RANBP2: variants seen among roughly 807,000 people sequenced by gnomAD.
RANBP2 encodes E3 SUMO-protein ligase RanBP2.
Under a neutral mutation model 303.6 loss-of-function variants are expected in RANBP2, and 57 were observed. The ratio of observed to expected loss-of-function variants is 0.19; its 90% CI spans 0.15 to 0.23. The LOEUF (loss-of-function observed/expected upper bound fraction) is 0.23, where lower values mean the gene tolerates loss of function less well. Among genes scored for constraint, RANBP2 ranks in the 10% least tolerant of loss-of-function variants. The probability of loss-of-function intolerance (pLI) is 1.00; values close to 1 mark genes in which losing one functional copy is unlikely to be tolerated. For missense variants in RANBP2, 3,138 were observed against 3,780.8 expected (o/e 0.83, Z 4.46); for synonymous variants, 1,167 against 1,301.5 (o/e 0.90, Z 2.23).
In RANBP2 at chr2:108,782,682, T is replaced by A; in HGVS notation, c.9189T>A (p.Asn3063Lys). 6.2e-7 allele frequency: 1 copy of A among 1,614,200 alleles called. No homozygotes were observed. The highest frequency in any genetic ancestry group is 8.5e-7 in the Non-Finnish European group (1 of 1,180,024). The stretch of plus-strand genomic sequence containing the variant: ...CAGCAGAATTATCAAAGGAGACCAA[T>A]CCTGTGGTGTTTTTTGATGTTTGTG... ...SLAAELSKET[N>K]PVVFFDVCAD... Residue 3063 changes from asparagine (N) to lysine (K), a missense_variant, in exon 28 of 29, where the codon AAT (asparagine) becomes AAA (lysine). By Grantham distance (94) the Asn-to-Lys change is moderately conservative (BLOSUM62 0). Around this residue, in one of 20 missense-constraint regions of RANBP2, gnomAD observed 204 missense variants for 228.4 expected, o/e 0.89. Coordinates refer to ENST00000283195, the MANE Select transcript of RANBP2 (RefSeq NM_006267.5).
the RANBP2 span, among the ~76,000 whole-genome samples, chr2:108,933,182 T>C: frequency 1.3e-5 from 2 of 152,222 alleles, no homozygotes; most frequent in East Asian, 1.9e-4. Context: ...AGTTTCTAAA[T>C]GCATGAAAGC....
At chr2:108,986,079 G>T in the RANBP2 span, among the ~76,000 whole-genome samples, 2 of 152,150 alleles carry the variant, frequency 1.3e-5, no homozygotes, top group Admixed American at 1.3e-4. Context: ...TAAGGGCAAT[G>T]ATGAAAAATT....
chr2:109,465,314 C>T, the RANBP2 span, among the ~76,000 whole-genome samples: 9 of 152,246 alleles, frequency 5.9e-5, no homozygotes, highest in East Asian at 5.8e-4. Flanking sequence ...GACATAAATT[C>T]GGATAAATAC....
chr2:109,533,678 TGA>T, the RANBP2 span, among the ~76,000 whole-genome samples: 1 of 152,202 alleles, frequency 6.6e-6, no homozygotes. Context: ...CAGCTAAGGA[TGA>T]GAGTGACAGC....
chr2:108,833,577 C>T, the RANBP2 span, among the ~76,000 whole-genome samples: 2 of 152,102 alleles, frequency 1.3e-5, no homozygotes, highest in African/African-American at 2.4e-5. Context: ...GGTCAGCAAA[C>T]CCTTTTTTGT....
the RANBP2 span, among the ~76,000 whole-genome samples, chr2:109,101,386 A>G: frequency 2.0e-5 from 3 of 151,904 alleles, no homozygotes; most frequent in African/African-American, 7.2e-5. Context: ...AATCAGACAG[A>G]GGTGGTGGCG....
the RANBP2 span, among the ~76,000 whole-genome samples, chr2:109,093,774 GTTC>G: frequency 1.3e-5 from 2 of 152,046 alleles, no homozygotes; most frequent in African/African-American, 4.8e-5. Context: ...ACACTGAATT[GTTC>G]TTCTCCGTTT....
the RANBP2 span, among the ~76,000 whole-genome samples, chr2:109,268,276 C>G: frequency 6.6e-6 from 1 of 151,854 alleles, no homozygotes. Flanking sequence ...GGTGCGGCCC[C>G]TTCTCTGGGC....
chr2:109,693,441 G>A, the RANBP2 span, among the ~76,000 whole-genome samples: 1 of 152,164 alleles, frequency 6.6e-6, no homozygotes, highest in African/African-American at 2.4e-5. Context: ...TTACAGGTGT[G>A]AGCCACCACA....
the RANBP2 span, among the ~76,000 whole-genome samples, chr2:109,092,196 C>T: frequency 6.6e-5 from 10 of 152,110 alleles, no homozygotes; most frequent in Non-Finnish European, 1.3e-4. Flanking sequence ...GAGGACCCTC[C>T]TAATTTGTCT....
the RANBP2 span, among the ~76,000 whole-genome samples, chr2:109,213,778 C>CTGTGGTGTGGTGTGATAGGG: frequency 3.3e-5 from 5 of 152,220 alleles, no homozygotes; most frequent in African/African-American, 1.2e-4. Flanking sequence ...CGTGGTCTCA[C>CTGTGGTGTGGTGTGATAGGG]TGTGGTGTGG....
chr2:108,800,608 C>CTTTTTTTT, the RANBP2 span, among the ~76,000 whole-genome samples: 4 of 33,492 alleles, frequency 1.2e-4, no homozygotes, highest in African/African-American at 1.4e-4. Context: ...CTCAGTTTAG[C>CTTTTTTTT]TTTTTTTTTT....
the RANBP2 span, among the ~76,000 whole-genome samples, chr2:108,893,325 T>TAACA: frequency 2.0e-5 from 3 of 152,168 alleles, no homozygotes; most frequent in Admixed American, 6.5e-5. Context: ...AAATCAAATT[T>TAACA]AACAGTAGAC....
chr2:109,129,795 C>A, the RANBP2 span: 1 of 1,538,854 alleles, frequency 6.5e-7, no homozygotes, highest in Non-Finnish European at 8.7e-7. Context: ...TGGAGAGCAT[C>A]GTGTGCTCGC....
chr2:109,493,197 TATATC>T, the RANBP2 span, among the ~76,000 whole-genome samples: 532 of 148,182 alleles, frequency 3.6e-3, 1 homozygote, highest in African/African-American at 8.8e-3. Context: ...ACACCACACA[TATATC>T]ATATAAACAC....
chr2:108,967,734 A>C, the RANBP2 span, among the ~76,000 whole-genome samples: 22 of 152,178 alleles, frequency 1.4e-4, 1 homozygote, highest in Non-Finnish European at 2.9e-4. Context: ...CCAATAACAC[A>C]GTCTATTGGG....
chr2:109,035,321 C>G, the RANBP2 span, among the ~76,000 whole-genome samples: 2 of 152,024 alleles, frequency 1.3e-5, no homozygotes, highest in African/African-American at 2.4e-5. Flanking sequence ...GATGGAGAGT[C>G]CCATTCCTCC....
At chr2:108,829,916 C>T in the RANBP2 span, among the ~76,000 whole-genome samples, 1 of 152,064 alleles carries the variant, frequency 6.6e-6, no homozygotes, top group African/African-American at 2.4e-5. Flanking sequence ...AGTTTTACTT[C>T]TGGATATATA....
At chr2:109,236,098 C>T in the RANBP2 span, among the ~76,000 whole-genome samples, 12 of 152,128 alleles carry the variant, frequency 7.9e-5, no homozygotes, top group East Asian at 2.3e-3. Context: ...ATGCATGAAG[C>T]TATTCACATT....
Sources: gnomAD v4.1 joint callset for allele counts (sites outside exome capture counted in the v4.1 genomes callset) on GRCh38, gnomAD v4.1.1 for gene constraint, gnomAD v4.1.1 regional missense constraint, MANE v1.5 for transcripts, NCBI Gene and HGNC (gene_info 2026-07-23, HGNC 2026-07-21) for gene names.